Variants in CTNNA3 observed in about 807,000 individuals in gnomAD.
CTNNA3 encodes catenin alpha 3.
CTNNA3 carries 76 observed loss-of-function variants against 95.7 expected under a neutral mutation model. The ratio of observed to expected loss-of-function variants is 0.79; its 90% CI spans 0.66 to 0.96. The LOEUF (loss-of-function observed/expected upper bound fraction) is 0.96. Among genes scored for constraint, CTNNA3 ranks in the 40% least tolerant of loss-of-function variants. The probability of loss-of-function intolerance (pLI) is 0.00; values close to 1 mark genes in which losing one functional copy is unlikely to be tolerated. For synonymous variants in CTNNA3, 431 were observed against 374.4 expected (o/e 1.15, Z -1.74); for missense variants, 1,191 against 1,089.8 (o/e 1.09, Z -1.31).
rs1251801443 is a variant in CTNNA3 at position 67,726,450 on chromosome 10, T to TATAA, written c.-2+36983_-2+36984insTTAT. Among the ~76,000 whole-genome samples the TATAA allele has an allele frequency of 3.0e-3, 232 of 78,608 alleles. 4 individuals are homozygous for TATAA. Among genetic ancestry groups the TATAA allele is most frequent in the African/African-American group, 0.011 (209 of 18,654 alleles). 51.6% of individuals were successfully genotyped at this position (78,608 alleles called of 152,430 possible). A position where few individuals can be genotyped will look rare whatever the true frequency, so the allele number is the denominator to read the frequency against. ...ATTATATCATATATAATATATAATA[T>TATAA]TATATATGATATATGATATAATATT... is the stretch of plus-strand genomic sequence containing the variant. On this transcript the variant is annotated intron_variant, in intron 1 of 17. Transcript: ENST00000684154.
At chr10:67,596,171 T>C (rs1429003707) in intron 3 of CTNNA3, among the ~76,000 whole-genome samples, 7 of 152,322 alleles carry the variant, frequency 4.6e-5, no homozygotes, top group Admixed American at 3.9e-4. Flanking sequence ...CTGCCATCTA[T>C]GTTGTTAGCT....
intron 9 of CTNNA3, among the ~76,000 whole-genome samples, chr10:66,628,339 A>C (rs2132335865): frequency 6.6e-6 from 1 of 152,204 alleles, no homozygotes; most frequent in African/African-American, 2.4e-5. Flanking sequence ...CCTTCCTAAT[A>C]AAAATGATCC....
At chr10:67,719,883 T>C in intron 1 of CTNNA3, among the ~76,000 whole-genome samples, 1 of 152,134 alleles carries the variant, frequency 6.6e-6, no homozygotes, top group Non-Finnish European at 1.5e-5. Flanking sequence ...TTGATCTGTG[T>C]AATATTGACA....
At chr10:65,983,427 T>C (rs2078363871) in intron 16 of CTNNA3, among the ~76,000 whole-genome samples, 1 of 151,562 alleles carries the variant, frequency 6.6e-6, no homozygotes, top group African/African-American at 2.4e-5. Context: ...AGATGTTACT[T>C]TATCTAATTT....
chr10:66,453,078 G>A (rs2093475054), intron 11 of CTNNA3, among the ~76,000 whole-genome samples: 1 of 151,938 alleles, frequency 6.6e-6, no homozygotes, highest in African/African-American at 2.4e-5. Context: ...ATTGTCAGGT[G>A]TGGCGGCATG....
chr10:66,072,138 T>C (rs2080450421), intron 14 of CTNNA3, among the ~76,000 whole-genome samples: 1 of 152,228 alleles, frequency 6.6e-6, no homozygotes, highest in African/African-American at 2.4e-5. Context: ...CACCTTATTA[T>C]AGACATTGAA....
intron 7 of CTNNA3, among the ~76,000 whole-genome samples, chr10:66,841,175 C>A (rs1843054998): frequency 6.6e-6 from 1 of 152,102 alleles, no homozygotes; most frequent in Admixed American, 6.6e-5. Context: ...GTTGAGGGCA[C>A]CTCTACTCTC....
chr10:67,662,237 T>C (rs1840210060), intron 1 of CTNNA3, among the ~76,000 whole-genome samples: 2 of 152,180 alleles, frequency 1.3e-5, no homozygotes, highest in Non-Finnish European at 2.9e-5. Context: ...TAATAAAGTT[T>C]ATAAATTAGG....
intron 10 of CTNNA3, among the ~76,000 whole-genome samples, chr10:66,581,343 T>C (rs1843180880): frequency 6.6e-6 from 1 of 151,780 alleles, no homozygotes; most frequent in South Asian, 2.1e-4. Flanking sequence ...GAGGTTGTAC[T>C]AATGTGTATT....
intron 7 of CTNNA3, among the ~76,000 whole-genome samples, chr10:66,995,993 T>C (rs1005508953): frequency 6.6e-6 from 1 of 152,210 alleles, no homozygotes; most frequent in Non-Finnish European, 1.5e-5. Context: ...TACCTTACTA[T>C]TATATCCTAC....
intron 5 of CTNNA3, among the ~76,000 whole-genome samples, chr10:67,249,405 A>G (rs1463817185): frequency 6.6e-6 from 1 of 152,188 alleles, no homozygotes; most frequent in Non-Finnish European, 1.5e-5. Flanking sequence ...TAATATTTAC[A>G]TACATCACAT....
chr10:66,783,039 A>G (rs1840602984), intron 7 of CTNNA3, among the ~76,000 whole-genome samples: 1 of 152,048 alleles, frequency 6.6e-6, no homozygotes, highest in Non-Finnish European at 1.5e-5. Flanking sequence ...GTTCCTCTGA[A>G]CTCTAACAGT....
chr10:66,608,499 A>G (rs540895075), intron 10 of CTNNA3, among the ~76,000 whole-genome samples: 14 of 152,268 alleles, frequency 9.2e-5, no homozygotes, highest in African/African-American at 3.4e-4. Flanking sequence ...AGACAATCCT[A>G]TGTAAAAAGA....
At chr10:65,946,328 TCCAC>T (rs2077516068) in intron 17 of CTNNA3, among the ~76,000 whole-genome samples, 1 of 152,130 alleles carries the variant, frequency 6.6e-6, no homozygotes, top group African/African-American at 2.4e-5. Context: ...ACACACATAT[TCCAC>T]CCTTCATTCT....
intron 12 of CTNNA3, among the ~76,000 whole-genome samples, chr10:66,288,683 T>A (rs1381095591): frequency 2.0e-5 from 3 of 152,170 alleles, no homozygotes; most frequent in Non-Finnish European, 2.9e-5. Context: ...CAAAAAGTTC[T>A]ATTGGACAGC....
intron 1 of CTNNA3, among the ~76,000 whole-genome samples, chr10:67,732,215 G>A (rs1841279051): frequency 1.3e-5 from 2 of 152,040 alleles, no homozygotes; most frequent in Non-Finnish European, 2.9e-5. Flanking sequence ...ATAATGGTGA[G>A]GTCGGGCCTT....
In CTNNA3 at chr10:67,165,116, A is replaced by C. The variant is rs141995985; in HGVS notation, c.1047+15201T>G. Among the ~76,000 whole-genome samples the C allele has an allele frequency of 1.6e-3, 244 of 152,306 alleles. 1 individual carries two copies. The highest frequency in any genetic ancestry group is 3.1e-3 in the Non-Finnish European group (209 of 68,020). On this transcript the variant is annotated intron_variant, in intron 7 of 17. Transcript: ENST00000433211. ...CAAACTGGAAAAAACAGAATGTCCT[A>C]CCATAGTCAAATGTATAAACAATGG...
chr10:66,259,400 TG>T (rs2090912138), intron 13 of CTNNA3, among the ~76,000 whole-genome samples: 1 of 152,098 alleles, frequency 6.6e-6, no homozygotes. Context: ...GACATGAGCA[TG>T]GGGGAACACA....
At chr10:66,554,303 C>G (rs997138379) in intron 10 of CTNNA3, among the ~76,000 whole-genome samples, 4 of 152,060 alleles carry the variant, frequency 2.6e-5, no homozygotes, top group African/African-American at 9.7e-5. Flanking sequence ...TAGCTTTATA[C>G]AGTATATCAG....
Sources: allele counts gnomAD v4.1 joint callset (sites outside exome capture counted in the v4.1 genomes callset), GRCh38; gene constraint gnomAD v4.1.1; transcripts MANE v1.5; gene names NCBI Gene and HGNC (gene_info 2026-07-23, HGNC 2026-07-21).